Variants in ANK1 observed in about 807,000 individuals in gnomAD.
ANK1 encodes ankyrin 1, also known as ankyrin-1.
Under a neutral mutation model 210.4 loss-of-function variants are expected in ANK1, and 51 were observed. The observed-to-expected ratio is 0.24, with a 90% CI of 0.19 to 0.31. ANK1 has a LOEUF of 0.31. ANK1 is among the 10% of genes least tolerant of loss of function. The pLI, the probability that ANK1 is intolerant of heterozygous loss-of-function variation, is 1.00. For synonymous variants in ANK1, 967 were observed against 1,025.9 expected (o/e 0.94, Z 1.10); for missense variants, 2,051 against 2,504.4 (o/e 0.82, Z 3.86).
intron 1 of ANK1, among the ~76,000 whole-genome samples, chr8:41,788,227 C>T (rs373632166): frequency 3.5e-4 from 53 of 152,276 alleles, no homozygotes; most frequent in African/African-American, 1.2e-3. Context: ...TGCGCCCTTA[C>T]CAGGACATTG....
At chr8:41,713,845 G>A (rs557648269) in intron 16 of ANK1, among the ~76,000 whole-genome samples, 6 of 152,282 alleles carry the variant, frequency 3.9e-5, no homozygotes, top group Admixed American at 3.9e-4. Context: ...ACTGACCTCT[G>A]ACAGTCAGTT....
intron 38 of ANK1, among the ~76,000 whole-genome samples, chr8:41,671,375 T>C (rs1201874613): frequency 6.6e-6 from 1 of 152,094 alleles, no homozygotes; most frequent in African/African-American, 2.4e-5. Context: ...AATATGGTCT[T>C]CAACTAAATA....
chr8:41,684,494 T>C (rs764408230), intron 37 of ANK1, 50 bp downstream of exon 37: 2 of 1,609,856 alleles, frequency 1.2e-6, no homozygotes, highest in Non-Finnish European at 8.5e-7. Flanking sequence ...TGCTGATGCC[T>C]GTAGGGCAGG....
intron 1 of ANK1, among the ~76,000 whole-genome samples, chr8:41,831,351 A>G (rs565491784): frequency 6.6e-6 from 1 of 152,326 alleles, no homozygotes; most frequent in East Asian, 1.9e-4. Flanking sequence ...TACCTGATAA[A>G]TGAAAACCCA....
In ANK1 at chr8:41,658,185, A is replaced by G. The variant is rs570664479; in HGVS notation, c.*37-2432T>C. On this transcript the variant is annotated intron_variant, in intron 42 of 42. Transcript: ENST00000289734. ...ATGCCCGGCCCTAGACAGCCCTTTC[A>G]CAAACATAAACTCAGCAACCATCAT... Among the ~76,000 whole-genome samples the G allele has an allele frequency of 3.3e-5, 5 of 152,322 alleles. No homozygotes were observed. In the South Asian group the frequency reaches 6.2e-4, roughly 19 times the overall value.
At chr8:41,833,960 G>C (rs1175010178) in intron 1 of ANK1, among the ~76,000 whole-genome samples, 1 of 152,208 alleles carries the variant, frequency 6.6e-6, no homozygotes, top group African/African-American at 2.4e-5. Flanking sequence ...CGGGGTTTCA[G>C]GCAGAGGGCC....
intron 37 of ANK1, among the ~76,000 whole-genome samples, chr8:41,677,568 T>C (rs1434983560): frequency 1.3e-5 from 2 of 150,716 alleles, no homozygotes; most frequent in Non-Finnish European, 2.9e-5. Context: ...CTGGCTTCTG[T>C]TGTTTCTTTT....
At chr8:41,691,216 A>G (rs1396626632) in intron 31 of ANK1, among the ~76,000 whole-genome samples, 1 of 152,224 alleles carries the variant, frequency 6.6e-6, no homozygotes, top group Non-Finnish European at 1.5e-5. Context: ...ACAGACTGAG[A>G]TCCTGTTTCT....
At position 41,694,539 on chromosome 8, in the gene ANK1, G is replaced by A; in HGVS notation, c.3327+53C>T. The A allele has an allele frequency of 1.3e-6, 2 of 1,554,274 alleles. No homozygotes were observed. Among genetic ancestry groups the A allele is most frequent in the Non-Finnish European group, 1.8e-6 (2 of 1,136,364 alleles). The stretch of plus-strand genomic sequence containing the variant: ...CCTGGGGAAGAGGGTGGCCTTCCCG[G>A]AGGCCTGGAGTTCAGTCCACCCCCA... On this transcript the variant is annotated intron_variant, in intron 28 of 42. Transcript: ENST00000289734. This position sits in a 1 kb window ranked among gnomAD's most constrained non-coding sequence, Gnocchi z 5.7.
chr8:41,821,878 T>C (rs1804315011), intron 1 of ANK1, among the ~76,000 whole-genome samples: 2 of 151,912 alleles, frequency 1.3e-5, no homozygotes, highest in African/African-American at 2.4e-5. Context: ...TGAAACCTCA[T>C]CTCTACTAAA....
chr8:41,799,635 C>G (rs1416073008), upstream of ANK1, among the ~76,000 whole-genome samples: 1 of 152,120 alleles, frequency 6.6e-6, no homozygotes, highest in African/African-American at 2.4e-5. Flanking sequence ...GCAGTGCTTC[C>G]GGTGGGCAAC....
chr8:41,700,920 A>C (rs1822584825), intron 22 of ANK1, among the ~76,000 whole-genome samples: 1 of 151,858 alleles, frequency 6.6e-6, no homozygotes, highest in African/African-American at 2.4e-5. Context: ...GCACCACCAC[A>C]CCCTGCTAAT....
upstream of ANK1, chr8:41,797,666 G>C (rs941851029): frequency 1.5e-5 from 21 of 1,379,386 alleles, no homozygotes; most frequent in Non-Finnish European, 2.0e-5. The surrounding 1 kb of genome is among the most constrained non-coding windows in gnomAD (Gnocchi z 4.0). Context: ...GGGCCTTATC[G>C]GCCCCAGAGG....
chr8:41,688,497 C>T lies in ANK1; in HGVS notation c.4183+14G>A. 1 of 1,613,448 alleles carries T rather than the reference C, an allele frequency of 6.2e-7. No homozygotes were observed. The highest frequency in any genetic ancestry group is 8.5e-7 in the Non-Finnish European group (1 of 1,179,344). ...GGAAGGGAGCAAGCATGCATCATCACACAGAGGCCGTACCTGGTGTGGACT... is the reference window on the plus strand; with the variant it reads ...GGAAGGGAGCAAGCATGCATCATCATACAGAGGCCGTACCTGGTGTGGACT... On this transcript the variant is annotated intron_variant, in intron 34 of 42. Transcript: ENST00000289734.
At chr8:41,803,019 AAGAAAGAAAGAAAGAAAGAAAG>A (rs1563810092) in intron 1 of ANK1, among the ~76,000 whole-genome samples, 9 of 99,296 alleles carry the variant, frequency 9.1e-5, no homozygotes, top group Non-Finnish European at 1.9e-4. Flanking sequence ...GAAAGAAAGA[AAGAAAGAAAGAAAGAAAGAAAG>A]AGAAAGAAAG....
intron 24 of ANK1, chr8:41,697,628 GC>G (rs760288796): frequency 8.8e-6 from 3 of 341,934 alleles, no homozygotes; most frequent in East Asian, 7.4e-5. Context: ...TTCTGGTTGG[GC>G]CCCGGCTCCC....
At chr8:41,788,680 T>A (rs979303312) in intron 1 of ANK1, among the ~76,000 whole-genome samples, 2 of 152,112 alleles carry the variant, frequency 1.3e-5, no homozygotes, top group African/African-American at 4.8e-5. Context: ...GATCTTCCAA[T>A]CCCCTCGATT....
At chr8:41,766,896 G>T (rs1046914182) in intron 1 of ANK1, among the ~76,000 whole-genome samples, 5 of 152,118 alleles carry the variant, frequency 3.3e-5, no homozygotes, top group Non-Finnish European at 7.4e-5. Flanking sequence ...CAGACGTGCC[G>T]CAAGCCAGGT....
intron 1 of ANK1, among the ~76,000 whole-genome samples, chr8:41,858,822 A>C (rs902961138): frequency 1.3e-5 from 2 of 152,254 alleles, no homozygotes; most frequent in African/African-American, 4.8e-5. Context: ...TATCAGGGTG[A>C]CTGGCAGGGA....
Sources: allele counts gnomAD v4.1 joint callset (sites outside exome capture counted in the v4.1 genomes callset), GRCh38; gene constraint gnomAD v4.1.1; non-coding constraint Gnocchi (gnomAD v3.1); transcripts MANE v1.5; gene names NCBI Gene and HGNC (gene_info 2026-07-23, HGNC 2026-07-21).